The following ZNF98 variants were observed in gnomAD, a reference collection of about 807,000 sequenced individuals.
ZNF98 encodes the protein zinc finger protein 739.
Under a neutral mutation model 12.8 loss-of-function variants are expected in ZNF98, and 8 were observed. The ratio of observed to expected loss-of-function variants is 0.63; its 90% CI spans 0.37 to 1.13. The LOEUF (loss-of-function observed/expected upper bound fraction) is 1.13. Ranked by LOEUF, ZNF98 falls within the 50% of genes most tolerant of loss-of-function variation. The probability of loss-of-function intolerance (pLI) is 0.01; values close to 1 mark genes in which losing one functional copy is unlikely to be tolerated. For synonymous variants in ZNF98, 112 were observed against 223.5 expected, an observed-to-expected ratio of 0.50 and a Z score of 4.45; for missense variants, 379 against 666.1, an observed-to-expected ratio of 0.57 and a Z score of 4.74.
In ZNF98 at chr19:22,399,004, T is replaced by C. The variant is rs373851911; in HGVS notation, c.253+3785A>G. ...GTAATAGAGATAAGGCTGATTTATCTCTTAAACCCCACACCGACTTACATG... is the reference window on the plus strand; with the variant it reads ...GTAATAGAGATAAGGCTGATTTATCCCTTAAACCCCACACCGACTTACATG... On this transcript the variant is annotated intron_variant, in intron 3 of 3. Coordinates refer to ENST00000357774, the MANE Select transcript of ZNF98 (RefSeq NM_001098626.2). Among the ~76,000 whole-genome samples, 36 of 152,314 alleles carry C rather than the reference T, an allele frequency of 2.4e-4. No individual in the cohort carries two copies. In the East Asian group the frequency reaches 6.4e-3, roughly 27 times the overall value.
At chr19:22,420,594 A>G (rs1969692788) in intron 1 of ZNF98, among the ~76,000 whole-genome samples, 1 of 152,046 alleles carries the variant, frequency 6.6e-6, no homozygotes, top group Non-Finnish European at 1.5e-5. Flanking sequence ...TCTTTTCCCC[A>G]GGGTATCCAC....
intron 1 of ZNF98, among the ~76,000 whole-genome samples, chr19:22,404,277 A>T (rs541350546): frequency 1.5e-4 from 23 of 152,334 alleles, no homozygotes; most frequent in Non-Finnish European, 7.4e-5. Context: ...AATCTCTAAC[A>T]AGCTCACCAG....
chr19:22,420,000 A>G (rs964619078), intron 1 of ZNF98, among the ~76,000 whole-genome samples: 2 of 151,706 alleles, frequency 1.3e-5, no homozygotes, highest in Non-Finnish European at 2.9e-5. Flanking sequence ...CACTAAAAAT[A>G]CCAAAAAAAA....
At chr19:22,419,172 G>A (rs1969677026) in intron 1 of ZNF98, among the ~76,000 whole-genome samples, 1 of 151,970 alleles carries the variant, frequency 6.6e-6, no homozygotes, top group Admixed American at 6.6e-5. Flanking sequence ...CTTATAGTAG[G>A]CATTTCTTTC....
chr19:22,401,539 A>G (rs961504826), intron 3 of ZNF98, among the ~76,000 whole-genome samples: 1 of 147,720 alleles, frequency 6.8e-6, no homozygotes, highest in South Asian at 2.1e-4. Context: ...ATTGGAGTGT[A>G]GTGGTGCAAT....
At chr19:22,418,535 A>G (rs898580826) in intron 1 of ZNF98, among the ~76,000 whole-genome samples, 4 of 152,152 alleles carry the variant, frequency 2.6e-5, no homozygotes, top group Non-Finnish European at 4.4e-5. Context: ...TTTCTTACCT[A>G]TCACATAGCC....
At chr19:22,405,632 G>T (rs140387887) in intron 1 of ZNF98, among the ~76,000 whole-genome samples, 108 of 152,304 alleles carry the variant, frequency 7.1e-4, no homozygotes, top group Admixed American at 1.1e-3. Context: ...CAGGAGCCTA[G>T]GGTCCCAACC....
At chr19:22,405,295 G>T (rs1389709411) in intron 1 of ZNF98, among the ~76,000 whole-genome samples, 1 of 151,532 alleles carries the variant, frequency 6.6e-6, no homozygotes, top group East Asian at 1.9e-4. Context: ...AAAAATTAGG[G>T]GCAGGGCAAA....
intron 1 of ZNF98, among the ~76,000 whole-genome samples, chr19:22,410,090 A>G (rs1206323456): frequency 6.6e-6 from 1 of 152,186 alleles, no homozygotes; most frequent in African/African-American, 2.4e-5. Flanking sequence ...AATTATTAAA[A>G]AGTCAGAAAC....
intron 1 of ZNF98, among the ~76,000 whole-genome samples, chr19:22,411,844 G>A (rs57590977): frequency 0.39 from 58,758 of 152,028 alleles, 12,001 homozygotes; most frequent in Middle Eastern, 0.58. Context: ...CATCTGAATT[G>A]TGAACTTGAA....
intron 1 of ZNF98, among the ~76,000 whole-genome samples, chr19:22,417,773 G>A (rs1040908539): frequency 1.3e-5 from 2 of 152,136 alleles, no homozygotes; most frequent in African/African-American, 4.8e-5. Context: ...TCAGCATGGT[G>A]CCTAGTCCTG....
At chr19:22,395,589 A>C (rs1206900655) in intron 3 of ZNF98, among the ~76,000 whole-genome samples, 2 of 152,186 alleles carry the variant, frequency 1.3e-5, no homozygotes, top group Admixed American at 6.5e-5. Context: ...ATTAAAAAAA[A>C]ACAATTTGGT....
intron 1 of ZNF98, among the ~76,000 whole-genome samples, chr19:22,419,418 C>T (rs549004675): frequency 2.0e-5 from 3 of 152,056 alleles, no homozygotes; most frequent in African/African-American, 7.2e-5. Flanking sequence ...GGGACATCTG[C>T]GAGAGAGGCT....
At chr19:22,410,110 T>C (rs1245380781) in intron 1 of ZNF98, among the ~76,000 whole-genome samples, 3 of 152,160 alleles carry the variant, frequency 2.0e-5, no homozygotes, top group African/African-American at 7.2e-5. Context: ...CAATAGATGC[T>C]GGTGAGGCTG....
rs1208588111 is a variant in ZNF98, at chr19:22,392,061, T to G, written c.1174A>C (p.Thr392Pro). The G allele has an allele frequency of 1.3e-6, 2 of 1,573,690 alleles. No individual in the cohort carries two copies. Among genetic ancestry groups the G allele is most frequent in the East Asian group, 4.6e-5 (2 of 43,042 alleles). ...ECGKAFKQSS[T>P]LTTHKRIHAG... ...TGAATTCTCTTATGTGTAGTAAGGG[T>G]TGAGGATTGTTTAAAAGCTTTGCCA... The change falls in exon 4 of 4, where the codon ACC becomes CCC. Residue 392 changes from threonine to proline, a missense_variant. Thr to Pro is a conservative substitution (Grantham distance 38). This residue lies in a region of ZNF98 where 19 missense variants were observed against 119.7 expected (regional missense o/e 0.16). Transcript: ENST00000357774.
At chr19:22,403,124 GTA>G in intron 2 of ZNF98, among the ~76,000 whole-genome samples, 1 of 152,028 alleles carries the variant, frequency 6.6e-6, no homozygotes, top group East Asian at 1.9e-4. Flanking sequence ...GTGGGCAACA[GTA>G]TGTTATGCCA....
chr19:22,391,811 G>T lies in ZNF98; in HGVS notation c.1424C>A (p.Ser475Ter). ...AATTACCTTATGTTTAGAAAGAGTTGAGGACTGGTTAAAAGCTTTGCCACA... is the reference window on the plus strand; with the variant it reads ...AATTACCTTATGTTTAGAAAGAGTTTAGGACTGGTTAAAAGCTTTGCCACA... ...EECGKAFNQS[S>*]TLSKHKVIHT... The change falls in exon 4 of 4, where the codon TCA becomes TAA. Residue 475 changes from serine to a stop codon, truncating the protein, a stop_gained. Coordinates refer to ENST00000357774, the MANE Select transcript of ZNF98 (RefSeq NM_001098626.2). LOFTEE classifies it low-confidence loss of function (END_TRUNC). 1 of 1,611,770 alleles carries T rather than the reference G, an allele frequency of 6.2e-7. No individual in the cohort carries two copies. Among genetic ancestry groups the T allele is most frequent in the Middle Eastern group, 1.6e-4 (1 of 6,062 alleles).
intron 1 of ZNF98, among the ~76,000 whole-genome samples, chr19:22,419,196 C>T (rs1047157100): frequency 6.6e-6 from 1 of 152,126 alleles, no homozygotes; most frequent in Non-Finnish European, 1.5e-5. Context: ...TACAATACTC[C>T]TTTGGAATTC....
chr19:22,419,907 C>T (rs1012571036), intron 1 of ZNF98, among the ~76,000 whole-genome samples: 1 of 151,976 alleles, frequency 6.6e-6, no homozygotes, highest in African/African-American at 2.4e-5. Context: ...CCTGTAGTCC[C>T]AGCACTTTGG....
Sources: gnomAD v4.1 joint callset for allele counts (sites outside exome capture counted in the v4.1 genomes callset) on GRCh38, gnomAD v4.1.1 for gene constraint, gnomAD v4.1.1 regional missense constraint, MANE v1.5 for transcripts, NCBI Gene and HGNC (gene_info 2026-07-23, HGNC 2026-07-21) for gene names.